Variants in USP28 observed in about 807,000 individuals in gnomAD.
USP28 encodes the protein ubiquitin carboxyl-terminal hydrolase 28.
In USP28, 113 loss-of-function variants were observed where a neutral mutation model predicts 145.0. That is an observed-to-expected ratio of 0.78 (90% confidence interval 0.67 to 0.91). The LOEUF (loss-of-function observed/expected upper bound fraction) is 0.91, where lower values mean the gene tolerates loss of function less well. USP28 is among the 40% of genes least tolerant of loss of function. The pLI is 0.00. For missense variants in USP28, 1,201 were observed against 1,289.6 expected (o/e 0.93, Z 1.05); for synonymous variants, 447 against 450.9 (o/e 0.99, Z 0.11).
chr11:113,875,188 T>C (rs993907236), intron 1 of USP28, among the ~76,000 whole-genome samples: 7 of 152,170 alleles, frequency 4.6e-5, no homozygotes, highest in Non-Finnish European at 4.4e-5. Flanking sequence ...TCCAGCCCTT[T>C]ATATTTGGTT....
At chr11:113,830,785 C>A (rs1943890253) in intron 9 of USP28, 82 bp downstream of exon 9, 1 of 1,343,982 alleles carries the variant, frequency 7.4e-7, no homozygotes, top group Admixed American at 1.8e-5. Context: ...CAAGCCTATT[C>A]ACTATACTGC....
chr11:113,811,130 A>G (rs1251464986), intron 16 of USP28, among the ~76,000 whole-genome samples: 1 of 152,200 alleles, frequency 6.6e-6, no homozygotes, highest in Non-Finnish European at 1.5e-5. Flanking sequence ...GAATTTGGAG[A>G]ATTGTATTTG....
intron 5 of USP28, among the ~76,000 whole-genome samples, chr11:113,838,529 T>A (rs527294832): frequency 6.6e-6 from 1 of 152,218 alleles, no homozygotes; most frequent in Non-Finnish European, 1.5e-5. Flanking sequence ...GTCAGACACA[T>A]TAAGCAAGCT....
intron 1 of USP28, 118 bp downstream of exon 1, chr11:113,875,327 T>C (rs985343757): frequency 3.5e-6 from 3 of 853,928 alleles, no homozygotes; most frequent in Non-Finnish European, 4.4e-6. Flanking sequence ...GCGCACCCCC[T>C]GTCCCGCCCG....
chr11:113,828,760 T>C (rs1943657122), intron 10 of USP28: 2 of 312,328 alleles, frequency 6.4e-6, no homozygotes, highest in Non-Finnish European at 1.3e-5. Flanking sequence ...GAAAATTAAA[T>C]TTTAAAAATG....
chr11:113,806,400 TA>T, intron 19 of USP28, 88 bp downstream of exon 20: 1 of 1,145,558 alleles, frequency 8.7e-7, no homozygotes, highest in South Asian at 1.4e-5. Flanking sequence ...CACCCAGCCT[TA>T]ACCCCATTTT....
chr11:113,875,346 GC>G, intron 1 of USP28, 98 bp downstream of exon 1: 1 of 1,004,826 alleles, frequency 1.0e-6, no homozygotes, highest in Non-Finnish European at 1.2e-6. Context: ...CGGCCGGGGC[GC>G]CCTCCGCAGC....
intron 3 of USP28, among the ~76,000 whole-genome samples, chr11:113,849,363 G>T (rs1308511731): frequency 1.3e-5 from 2 of 152,216 alleles, no homozygotes; most frequent in Non-Finnish European, 2.9e-5. Flanking sequence ...TGGAAGGAAG[G>T]ACGCCAATGG....
chr11:113,803,106 G>A, intron 23 of USP28, 52 bp downstream of exon 24: 1 of 1,526,622 alleles, frequency 6.6e-7, no homozygotes, highest in Non-Finnish European at 8.8e-7. Context: ...CTGGCTTCAA[G>A]GAGCAGAGGT....
At chr11:113,834,551 T>C (rs1252919920) in intron 5 of USP28, among the ~76,000 whole-genome samples, 1 of 152,170 alleles carries the variant, frequency 6.6e-6, no homozygotes, top group East Asian at 1.9e-4. Context: ...AGAAACAACC[T>C]AATGTCTAAC....
exon 5 of USP28, chr11:113,840,688 G>A: frequency 6.2e-7 from 1 of 1,614,180 alleles, no homozygotes. Context: ...TGGGATTGGG[G>A]TTTTCTCCCC....
intron 1 of USP28, among the ~76,000 whole-genome samples, chr11:113,872,521 C>T (rs1269522214): frequency 1.3e-5 from 2 of 151,720 alleles, no homozygotes; most frequent in Admixed American, 6.6e-5. Flanking sequence ...CATTTGGGGG[C>T]AGAGGGGCAT....
At chr11:113,839,709 C>T (rs1446590214) in intron 5 of USP28, among the ~76,000 whole-genome samples, 2 of 151,814 alleles carry the variant, frequency 1.3e-5, no homozygotes, top group Non-Finnish European at 2.9e-5. Context: ...GCCAACATGG[C>T]GAAACCCTGT....
chr11:113,834,002 G>A (rs1944304668), intron 6 of USP28, among the ~76,000 whole-genome samples: 1 of 152,156 alleles, frequency 6.6e-6, no homozygotes, highest in East Asian at 1.9e-4. Context: ...AACACAACAG[G>A]TATTCAGGGT....
intron 14 of USP28, among the ~76,000 whole-genome samples, chr11:113,814,865 A>G (rs1211212661): frequency 1.3e-5 from 2 of 150,364 alleles, no homozygotes; most frequent in East Asian, 2.0e-4. Flanking sequence ...CCTGACCAAC[A>G]TGGTGAAACC....
chr11:113,844,033 T>A (rs551069807), intron 3 of USP28, among the ~76,000 whole-genome samples: 68 of 152,226 alleles, frequency 4.5e-4, no homozygotes, highest in African/African-American at 1.6e-3. Flanking sequence ...GACACAGGTG[T>A]AAATCTTCAT....
intron 1 of USP28, among the ~76,000 whole-genome samples, chr11:113,857,703 A>C (rs1947217030): frequency 6.6e-6 from 1 of 152,244 alleles, no homozygotes; most frequent in Non-Finnish European, 1.5e-5. Context: ...AATGAAATAT[A>C]GTATCCAAAT....
At chr11:113,814,951 C>G (rs1219967102) in intron 14 of USP28, among the ~76,000 whole-genome samples, 2 of 151,620 alleles carry the variant, frequency 1.3e-5, no homozygotes, top group Non-Finnish European at 2.9e-5. Context: ...ACTTGGGAGG[C>G]TGAGCCATGA....
chr11:113,826,022 C>T (rs770275413), intron 11 of USP28, among the ~76,000 whole-genome samples: 5 of 152,060 alleles, frequency 3.3e-5, no homozygotes, highest in African/African-American at 1.2e-4. Flanking sequence ...CCATGGCTCA[C>T]GCCTATAATC....
Sources: gnomAD v4.1 joint callset for allele counts (sites outside exome capture counted in the v4.1 genomes callset) on GRCh38, gnomAD v4.1.1 for gene constraint, MANE v1.5 for transcripts, NCBI Gene and HGNC (gene_info 2026-07-23, HGNC 2026-07-21) for gene names.